The following PDE4B variants were observed in gnomAD, a reference collection of about 807,000 sequenced individuals.
The protein encoded by PDE4B is 3',5'-cyclic-AMP phosphodiesterase 4B.
PDE4B carries 20 observed loss-of-function variants against 82.2 expected under a neutral mutation model. The observed-to-expected ratio is 0.24, with a 90% confidence interval of 0.17 to 0.35. PDE4B has a LOEUF of 0.35. PDE4B is among the 10% of genes least tolerant of loss of function. PDE4B has a pLI of 1.00. For synonymous variants in PDE4B, 320 were observed against 318.9 expected, an observed-to-expected ratio of 1.00 and a Z score of -0.04; for missense variants, 655 against 907.2, an observed-to-expected ratio of 0.72 and a Z score of 3.57.
At chr1:66,269,545 A>T (rs1409863501) in intron 7 of PDE4B, among the ~76,000 whole-genome samples, 1 of 152,240 alleles carries the variant, frequency 6.6e-6, no homozygotes, top group African/African-American at 2.4e-5. Flanking sequence ...CTCCAAAATA[A>T]GGCAGGAACT....
chr1:66,273,508 CTGG>C (rs1203135337), intron 7 of PDE4B, among the ~76,000 whole-genome samples: 1 of 152,240 alleles, frequency 6.6e-6, no homozygotes, highest in Non-Finnish European at 1.5e-5. Flanking sequence ...CCATTTCCTT[CTGG>C]AAAGTGCATT....
At chr1:66,292,667 T>C (rs1349775236) in intron 7 of PDE4B, among the ~76,000 whole-genome samples, 1 of 152,188 alleles carries the variant, frequency 6.6e-6, no homozygotes, top group East Asian at 1.9e-4. Flanking sequence ...TTTTGATCAC[T>C]GTAATCAGTG....
chr1:66,050,238 G>A (rs562718625), intron 3 of PDE4B, among the ~76,000 whole-genome samples: 2 of 151,932 alleles, frequency 1.3e-5, no homozygotes, highest in African/African-American at 2.4e-5. Flanking sequence ...AAAATCTATT[G>A]TTTTTACTAA....
At chr1:65,838,485 G>GTATATGTATATATATACGTATATGTATA (rs1557772278) in intron 1 of PDE4B, among the ~76,000 whole-genome samples, 34 of 145,926 alleles carry the variant, frequency 2.3e-4, no homozygotes, top group East Asian at 1.4e-3. Flanking sequence ...ATATATATAC[G>GTATATGTATATATATACGTATATGTATA]TATATGTATA....
intron 3 of PDE4B, among the ~76,000 whole-genome samples, chr1:66,155,482 C>A (rs1381892560): frequency 1.3e-5 from 2 of 152,058 alleles, no homozygotes; most frequent in Non-Finnish European, 2.9e-5. Context: ...GAAATATGTT[C>A]TTAAAATTAA....
rs544248990 is a variant in PDE4B at position 66,164,531 on chromosome 1, G to A, written c.282-82929G>A. On this transcript the variant is annotated intron_variant, in intron 3 of 16. Coordinates refer to ENST00000341517, the MANE Select transcript of PDE4B (RefSeq NM_002600.4). ...AGCCTGGACAACAGAGAGAGACTCC[G>A]TCTCAAAAAAAAAAAAAAAAAAAAA... Among the ~76,000 whole-genome samples the A allele has an allele frequency of 3.9e-3, 136 of 35,286 alleles. 1 individual carries two copies. Among genetic ancestry groups the A allele is most frequent in the Middle Eastern group, 0.029 (1 of 34 alleles). 23.1% of individuals were successfully genotyped at this position (35,286 alleles called of 152,430 possible). A position where few individuals can be genotyped will look rare whatever the true frequency, so the allele number is the denominator to read the frequency against.
At chr1:65,817,568 C>T (rs1424744939) in intron 1 of PDE4B, among the ~76,000 whole-genome samples, 1 of 152,044 alleles carries the variant, frequency 6.6e-6, no homozygotes, top group Admixed American at 6.6e-5. Context: ...ATTATTGCAA[C>T]TCTTATTGAT....
rs190986304 is a variant in PDE4B, at chr1:66,324,680, C to T, written c.635-7828C>T. On this transcript the variant is annotated intron_variant, in intron 7 of 16. Transcript: ENST00000341517. Reference sequence around the variant, plus strand: ...TGAACCTCTTCTTTTATGAATCCACCCAGAGTGAAATCCCTGTCATATGCA... The same window carrying T: ...TGAACCTCTTCTTTTATGAATCCACTCAGAGTGAAATCCCTGTCATATGCA... Among the ~76,000 whole-genome samples, 19 of 152,156 alleles carry T rather than the reference C, an allele frequency of 1.2e-4. No individual in the cohort carries two copies. The East Asian group carries it at 3.5e-3, about 28-fold the overall frequency.
intron 3 of PDE4B, among the ~76,000 whole-genome samples, chr1:65,972,752 T>C (rs1657501610): frequency 6.6e-6 from 1 of 152,182 alleles, no homozygotes; most frequent in South Asian, 2.1e-4. Context: ...TTATTTTCAA[T>C]TTTTTCCTTT....
chr1:66,322,988 A>T (rs1659514633), intron 7 of PDE4B, among the ~76,000 whole-genome samples: 2 of 152,122 alleles, frequency 1.3e-5, no homozygotes, highest in Non-Finnish European at 2.9e-5. Flanking sequence ...GGGCTCTTGA[A>T]TACTATTTAG....
rs557568207 is a variant in PDE4B at position 65,848,334 on chromosome 1, C to T, written c.-71+55086C>T. Among the ~76,000 whole-genome samples, 213 of 152,030 alleles carry T rather than the reference C, an allele frequency of 1.4e-3. 1 individual carries two copies. Among genetic ancestry groups the T allele is most frequent in the Admixed American group, 2.6e-3 (40 of 15,258 alleles). On this transcript the variant is annotated intron_variant, in intron 1 of 16. Coordinates refer to ENST00000341517, the MANE Select transcript of PDE4B (RefSeq NM_002600.4). ...TTGTGTGTGTGTGTTTTAGTAGAGA[C>T]GGGATTTCACCATGTTGGCCAGGAT...
At chr1:66,171,443 G>C (rs1646834673) in intron 3 of PDE4B, among the ~76,000 whole-genome samples, 1 of 152,068 alleles carries the variant, frequency 6.6e-6, no homozygotes, top group Admixed American at 6.6e-5. Context: ...TTGGCTTTCA[G>C]ACTTTTGATA....
intron 3 of PDE4B, among the ~76,000 whole-genome samples, chr1:65,951,175 T>C (rs1301781366): frequency 1.3e-5 from 2 of 152,134 alleles, no homozygotes; most frequent in African/African-American, 4.8e-5. Flanking sequence ...CCTTTGTTCT[T>C]GCATATAATG....
At chr1:66,080,956 A>G (rs541857312) in intron 3 of PDE4B, among the ~76,000 whole-genome samples, 2 of 152,160 alleles carry the variant, frequency 1.3e-5, no homozygotes, top group South Asian at 4.1e-4. Flanking sequence ...CTCTATGTCC[A>G]TGTGTATCCA....
intron 3 of PDE4B, among the ~76,000 whole-genome samples, chr1:65,966,131 T>C (rs978964534): frequency 6.6e-6 from 1 of 152,198 alleles, no homozygotes; most frequent in Non-Finnish European, 1.5e-5. Flanking sequence ...GATGACATGA[T>C]TGTATATTTA....
chr1:66,088,635 T>A (rs1222242223), intron 3 of PDE4B, among the ~76,000 whole-genome samples: 2 of 152,106 alleles, frequency 1.3e-5, no homozygotes, highest in Admixed American at 6.6e-5. Context: ...TAGAAGCCTG[T>A]TAATTTATCT....
intron 14 of PDE4B, 23 bp downstream of exon 14, chr1:66,367,873 T>C (rs779277195): frequency 1.2e-6 from 2 of 1,612,954 alleles, no homozygotes; most frequent in South Asian, 2.2e-5. Context: ...CCTCTCTACA[T>C]TCCTCACTTA....
intron 3 of PDE4B, among the ~76,000 whole-genome samples, chr1:66,126,830 G>T (rs762861291): frequency 1.3e-5 from 2 of 152,204 alleles, no homozygotes; most frequent in Non-Finnish European, 2.9e-5. Context: ...ACACCAAGCA[G>T]ATTCCACCTT....
intron 3 of PDE4B, among the ~76,000 whole-genome samples, chr1:65,961,635 G>A: frequency 6.6e-6 from 1 of 152,096 alleles, no homozygotes; most frequent in East Asian, 1.9e-4. Flanking sequence ...CAATAAGTTG[G>A]TGAGGCAACG....
Sources: gnomAD v4.1 joint callset for allele counts (sites outside exome capture counted in the v4.1 genomes callset) on GRCh38, gnomAD v4.1.1 for gene constraint, MANE v1.5 for transcripts, NCBI Gene and HGNC (gene_info 2026-07-23, HGNC 2026-07-21) for gene names.